Variants in THSD7B observed in about 807,000 individuals in gnomAD.
THSD7B encodes the protein thrombospondin type-1 domain-containing protein 7B.
THSD7B carries 138 observed loss-of-function variants against 213.6 expected under a neutral mutation model. That is an observed-to-expected ratio of 0.65 (90% CI 0.56 to 0.74). The LOEUF (loss-of-function observed/expected upper bound fraction) is 0.74. Ranked by LOEUF, THSD7B falls within the 30% of genes least tolerant of loss-of-function variation. The pLI is 0.00. For synonymous variants in THSD7B, 742 were observed against 687.0 expected (o/e 1.08, Z -1.25); for missense variants, 1,931 against 1,991.5 (o/e 0.97, Z 0.58).
chr2:136,807,509 GTTTT>G (rs777353589), intron 1 of THSD7B, among the ~76,000 whole-genome samples: 1 of 104,896 alleles, frequency 9.5e-6, no homozygotes, highest in African/African-American at 3.7e-5. Context: ...AAAATGTTTC[GTTTT>G]TTTTTTTTTT....
intron 2 of THSD7B, among the ~76,000 whole-genome samples, chr2:137,001,148 A>G (rs1246300987): frequency 1.3e-5 from 2 of 152,072 alleles, no homozygotes; most frequent in East Asian, 3.8e-4. Context: ...TTAATGCTAT[A>G]GATTCATTGG....
intron 2 of THSD7B, among the ~76,000 whole-genome samples, chr2:136,946,005 G>A (rs906715900): frequency 6.6e-6 from 1 of 152,130 alleles, no homozygotes; most frequent in African/African-American, 2.4e-5. Flanking sequence ...TTTTGTTGCT[G>A]GCAAGGAGCT....
At chr2:137,040,340 C>T (rs559954758) in intron 2 of THSD7B, among the ~76,000 whole-genome samples, 37 of 151,980 alleles carry the variant, frequency 2.4e-4, no homozygotes, top group Admixed American at 9.8e-4. Flanking sequence ...GGAAACTAGC[C>T]CAAGAGGTAG....
intron 2 of THSD7B, among the ~76,000 whole-genome samples, chr2:137,017,734 C>T (rs1028394514): frequency 2.0e-5 from 3 of 152,052 alleles, no homozygotes; most frequent in Non-Finnish European, 4.4e-5. Context: ...CCATATGATG[C>T]CTTATTCTGT....
intron 6 of THSD7B, among the ~76,000 whole-genome samples, chr2:137,166,080 A>C (rs1680122770): frequency 6.6e-6 from 1 of 152,190 alleles, no homozygotes; most frequent in South Asian, 2.1e-4. Flanking sequence ...ATTAGGAATC[A>C]TGGAAGGCTT....
At position 136,959,254 on chromosome 2, in the gene THSD7B, G is replaced by A. The variant is rs77443069; in HGVS notation, c.139+76937G>A. 8.6e-3 allele frequency among the ~76,000 whole-genome samples: 1,308 copies of A among 152,308 alleles called. 21 individuals carry two copies. The highest frequency in any genetic ancestry group is 0.03 in the African/African-American group (1,254 of 41,556). On this transcript the variant is annotated intron_variant, in intron 2 of 27. Coordinates refer to ENST00000409968, the MANE Select transcript of THSD7B (RefSeq NM_001316349.2). ...CTTCTTTGTCTGATAGTGCAGCATT[G>A]TGTCAAGACTTCCTTGACTTGTGTT...
At chr2:137,292,172 T>C (rs933508955) in intron 12 of THSD7B, among the ~76,000 whole-genome samples, 1 of 152,172 alleles carries the variant, frequency 6.6e-6, no homozygotes, top group Non-Finnish European at 1.5e-5. Context: ...CTCAAAATGC[T>C]TCCCATACAA....
intron 1 of THSD7B, among the ~76,000 whole-genome samples, chr2:136,783,132 A>G (rs1328659613): frequency 6.6e-6 from 1 of 152,194 alleles, no homozygotes; most frequent in Non-Finnish European, 1.5e-5. Flanking sequence ...TCATGTTTGT[A>G]ACCTCATCAT....
intron 2 of THSD7B, among the ~76,000 whole-genome samples, chr2:136,915,597 T>C (rs895897739): frequency 2.6e-5 from 4 of 152,224 alleles, no homozygotes; most frequent in African/African-American, 9.6e-5. Flanking sequence ...TTTTTATCAA[T>C]TGTTTTATAT....
At position 137,109,611 on chromosome 2, in the gene THSD7B, G is replaced by A. The variant is rs760570074; in HGVS notation, c.1200-5513G>A. On this transcript the variant is annotated intron_variant, in intron 4 of 27. Coordinates refer to ENST00000409968, the MANE Select transcript of THSD7B (RefSeq NM_001316349.2). ...GGCATGAGATTCTCATAAGGAGCGC[G>A]CAACCTAGATCCCTCTCTTGTGCAG... is the stretch of plus-strand genomic sequence containing the variant. Among the ~76,000 whole-genome samples the A allele has an allele frequency of 7.9e-5, 12 of 152,248 alleles. No homozygotes were observed. In the East Asian group the frequency reaches 1.2e-3, roughly 15 times the overall value.
chr2:136,835,517 A>G (rs562953977), intron 1 of THSD7B, among the ~76,000 whole-genome samples: 1 of 152,316 alleles, frequency 6.6e-6, no homozygotes, highest in African/African-American at 2.4e-5. Context: ...TGATTGTAAC[A>G]TCTTTTGCCT....
intron 11 of THSD7B, among the ~76,000 whole-genome samples, chr2:137,274,929 G>A (rs1442588478): frequency 6.6e-6 from 1 of 151,860 alleles, no homozygotes; most frequent in Non-Finnish European, 1.5e-5. Flanking sequence ...CATTATGAAG[G>A]CCACTTGAAT....
In THSD7B at chr2:137,411,867, G is replaced by A. The variant is rs577017519; in HGVS notation, c.2954G>A (p.Ser985Asn). 2 of 1,613,962 alleles carry A rather than the reference G, an allele frequency of 1.2e-6. No individual in the cohort carries two copies. The highest frequency in any genetic ancestry group is 2.7e-5 in the African/African-American group (2 of 75,066). ...CCTGTTGACCCCTCCTTCTGCAGCA[G>A]CTCTGGTAAGGAGATGGATGGAGAG... ...GRPVDPSFCS[S>N]SGYIQEKCVI... Residue 985 changes from serine (S) to asparagine (N), a missense_variant, in exon 14 of 28, where the codon AGC becomes AAC. Physicochemically the swap from Ser to Asn is conservative, Grantham distance 46 (BLOSUM62 1). Transcript: ENST00000409968.
chr2:137,591,646 A>G (rs1308375958), intron 17 of THSD7B, among the ~76,000 whole-genome samples: 1 of 151,978 alleles, frequency 6.6e-6, no homozygotes, highest in Non-Finnish European at 1.5e-5. Flanking sequence ...CCTATTTGTC[A>G]TAAACCAATC....
chr2:137,005,719 C>A (rs1454607784), intron 2 of THSD7B, among the ~76,000 whole-genome samples: 2 of 152,074 alleles, frequency 1.3e-5, no homozygotes, highest in East Asian at 3.8e-4. Context: ...TTTCTAAATT[C>A]TTTTGTGTGT....
intron 2 of THSD7B, among the ~76,000 whole-genome samples, chr2:136,892,668 CTG>C (rs1249856443): frequency 6.6e-6 from 1 of 151,868 alleles, no homozygotes; most frequent in Non-Finnish European, 1.5e-5. Flanking sequence ...ATTTTGCTGT[CTG>C]TTTTCCTGCA....
chr2:137,358,161 G>T (rs754286917), intron 12 of THSD7B, among the ~76,000 whole-genome samples: 1 of 152,094 alleles, frequency 6.6e-6, no homozygotes, highest in Non-Finnish European at 1.5e-5. Context: ...TCTTTTGCAG[G>T]GTGGAAGACT....
At chr2:136,792,452 G>A (rs1352289412) in intron 1 of THSD7B, among the ~76,000 whole-genome samples, 1 of 151,944 alleles carries the variant, frequency 6.6e-6, no homozygotes, top group Non-Finnish European at 1.5e-5. Flanking sequence ...ACCTGCCATC[G>A]TACATTTGTC....
chr2:136,766,763 A>G (rs1267172062), intron 1 of THSD7B, among the ~76,000 whole-genome samples: 3 of 152,196 alleles, frequency 2.0e-5, no homozygotes, highest in Non-Finnish European at 4.4e-5. Context: ...ACCGTGGCAT[A>G]TTCTACGGAA....
Sources: allele counts gnomAD v4.1 joint callset (sites outside exome capture counted in the v4.1 genomes callset), GRCh38; gene constraint gnomAD v4.1.1; transcripts MANE v1.5; gene names NCBI Gene and HGNC (gene_info 2026-07-23, HGNC 2026-07-21).